The following HDX variants were observed in gnomAD, a reference collection of about 807,000 sequenced individuals.
The protein encoded by HDX is chromosome X open reading frame 43.
Under a neutral mutation model 45.2 loss-of-function variants are expected in HDX, and 19 were observed. The observed-to-expected ratio is 0.42, with a 90% CI of 0.29 to 0.62. The LOEUF (loss-of-function observed/expected upper bound fraction) is 0.62, where lower values mean the gene tolerates loss of function less well. HDX is among the 20% of genes least tolerant of loss of function. The pLI is 0.20. For missense variants in HDX, 532 were observed against 493.9 expected (o/e 1.08, Z -0.73); for synonymous variants, 188 against 172.8 (o/e 1.09, Z -0.69).
intron 5 of HDX, among the ~76,000 whole-genome samples, chrX:84,406,256 T>C (rs2038816825): frequency 9.0e-6 from 1 of 110,900 alleles, no homozygotes; most frequent in Admixed American, 9.7e-5. Context: ...AGGTCCATAT[T>C]TTCATGGAAT....
intron 7 of HDX, among the ~76,000 whole-genome samples, chrX:84,337,444 TTC>T (rs1302403924): frequency 8.9e-6 from 1 of 111,781 alleles, no homozygotes; most frequent in African/African-American, 3.2e-5. Context: ...TTTTTAATTT[TTC>T]TGTTTTCTTT....
chrX:84,349,860 A>T (rs2037300385), intron 6 of HDX, among the ~76,000 whole-genome samples: 1 of 109,956 alleles, frequency 9.1e-6, no homozygotes. Flanking sequence ...GGTGCTAAAC[A>T]GTGGGTATTC....
At chrX:84,414,471 G>A (rs1237254848) in intron 5 of HDX, among the ~76,000 whole-genome samples, 1 of 111,623 alleles carries the variant, frequency 9.0e-6, no homozygotes, top group Non-Finnish European at 1.9e-5. Flanking sequence ...CTGCTTAAGA[G>A]GTTATACTTC....
chrX:84,391,307 T>G (rs944318977), intron 5 of HDX, among the ~76,000 whole-genome samples: 3 of 111,986 alleles, frequency 2.7e-5, no homozygotes, highest in Non-Finnish European at 5.6e-5. Context: ...TTGAATAACA[T>G]ACCATTGTGT....
chrX:84,433,224 T>C (rs889930928), intron 5 of HDX, among the ~76,000 whole-genome samples: 3 of 111,668 alleles, frequency 2.7e-5, no homozygotes, highest in Admixed American at 1.9e-4. Context: ...GAGGTCTTAT[T>C]GATAAAATGT....
intron 5 of HDX, among the ~76,000 whole-genome samples, chrX:84,429,752 C>T (rs2039460259): frequency 9.1e-6 from 1 of 109,927 alleles, no homozygotes; most frequent in Admixed American, 9.7e-5. Context: ...TTTACTTGAC[C>T]TTAGTGGGGA....
At chrX:84,366,691 C>T (rs952276164) in intron 5 of HDX, among the ~76,000 whole-genome samples, 1 of 110,784 alleles carries the variant, frequency 9.0e-6, no homozygotes, top group East Asian at 2.9e-4. Flanking sequence ...CATCTACAAC[C>T]AACTGATCTT....
intron 5 of HDX, among the ~76,000 whole-genome samples, chrX:84,422,854 G>C (rs1405467787): frequency 9.3e-6 from 1 of 108,010 alleles, no homozygotes; most frequent in Non-Finnish European, 1.9e-5. Flanking sequence ...ATTTTTAGTA[G>C]AGATGGGGTT....
At chrX:84,376,581 A>C (rs928329476) in intron 5 of HDX, among the ~76,000 whole-genome samples, 2 of 111,630 alleles carry the variant, frequency 1.8e-5, no homozygotes, top group African/African-American at 6.5e-5. Flanking sequence ...TCCTAAGGGA[A>C]TGTTGGCAGT....
intron 9 of HDX, among the ~76,000 whole-genome samples, chrX:84,333,039 T>A (rs1017731076): frequency 7.2e-5 from 8 of 111,535 alleles, no homozygotes; most frequent in Non-Finnish European, 1.5e-4. Flanking sequence ...TGAACACTAA[T>A]GACATTCCAT....
At chrX:84,479,974 A>G (rs1013160797) in intron 2 of HDX, among the ~76,000 whole-genome samples, 2 of 111,293 alleles carry the variant, frequency 1.8e-5, no homozygotes, top group Non-Finnish European at 3.8e-5. Context: ...ATGATTTCCA[A>G]TGTTTCTCCA....
chrX:84,346,999 C>G (rs996878039), intron 6 of HDX, among the ~76,000 whole-genome samples: 1 of 111,183 alleles, frequency 9.0e-6, no homozygotes, highest in Non-Finnish European at 1.9e-5. Context: ...TTATTTAGAT[C>G]TTTGATTTCT....
chrX:84,419,224 C>T (rs372765658), intron 5 of HDX, among the ~76,000 whole-genome samples: 46 of 110,545 alleles, frequency 4.2e-4, no homozygotes, highest in Admixed American at 2.2e-3. Flanking sequence ...GAGCATCAGG[C>T]GGGTTCTTGG....
chrX:84,487,509 T>A lies in HDX; in HGVS notation c.-1+515A>T, dbSNP rs192009493. Among the ~76,000 whole-genome samples the A allele has an allele frequency of 3.0e-3, 333 of 112,503 alleles. 1 individual carries two copies. The highest frequency in any genetic ancestry group is 0.011 in the African/African-American group (329 of 30,993). ...TCAGCAAGTCAGCTCAGTTTTGAAA[T>A]CCTTTTCTGTGTTATTTTGGGTCTG... is the stretch of plus-strand genomic sequence containing the variant. On this transcript the variant is annotated intron_variant, in intron 2 of 10. Coordinates refer to ENST00000373177, the MANE Select transcript of HDX (RefSeq NM_001177479.2).
intron 2 of HDX, among the ~76,000 whole-genome samples, chrX:84,477,598 C>T (rs989576721): frequency 9.0e-6 from 1 of 111,401 alleles, no homozygotes; most frequent in East Asian, 2.8e-4. Flanking sequence ...GAAGTTAATT[C>T]TTTACAACAA....
chrX:84,386,430 C>G (rs1264953915), intron 5 of HDX, among the ~76,000 whole-genome samples: 1 of 111,247 alleles, frequency 9.0e-6, no homozygotes, highest in East Asian at 2.8e-4. Context: ...ATAATTGGTA[C>G]CAGTTCTTCT....
At chrX:84,356,771 C>T (rs1263809122) in intron 6 of HDX, among the ~76,000 whole-genome samples, 1 of 109,250 alleles carries the variant, frequency 9.2e-6, no homozygotes, top group Non-Finnish European at 1.9e-5. Context: ...TATAGGCGCC[C>T]GCCACCACGC....
At chrX:84,477,164 C>T (rs989503722) in intron 2 of HDX, among the ~76,000 whole-genome samples, 2 of 110,211 alleles carry the variant, frequency 1.8e-5, no homozygotes, top group Admixed American at 9.7e-5. Context: ...AGGTCAAATA[C>T]CTGAAATATT....
chrX:84,498,852 CACACACACACACAT>C (rs1208196526), intron 1 of HDX, among the ~76,000 whole-genome samples: 11 of 100,514 alleles, frequency 1.1e-4, no homozygotes, highest in African/African-American at 4.1e-4. Flanking sequence ...CACACACACA[CACACACACACACAT>C]CTCAGATTCC....
Sources: allele counts gnomAD v4.1 joint callset (sites outside exome capture counted in the v4.1 genomes callset), GRCh38; gene constraint gnomAD v4.1.1; transcripts MANE v1.5; gene names NCBI Gene and HGNC (gene_info 2026-07-23, HGNC 2026-07-21).